Variants in CYP39A1 observed in about 807,000 individuals in gnomAD.
CYP39A1 encodes the protein 24-hydroxycholesterol 7-alpha-hydroxylase.
Under a neutral mutation model 58.1 loss-of-function variants are expected in CYP39A1, and 49 were observed. That is an observed-to-expected ratio of 0.84 (90% confidence interval 0.67 to 1.07). The LOEUF (loss-of-function observed/expected upper bound fraction) is 1.07, where lower values mean the gene tolerates loss of function less well. CYP39A1 is among the 50% of genes least tolerant of loss of function. The pLI, the probability that CYP39A1 is intolerant of heterozygous loss-of-function variation, is 0.00. For missense variants in CYP39A1, 531 were observed against 539.4 expected, an observed-to-expected ratio of 0.98 and a Z score of 0.16; for synonymous variants, 209 against 187.6, an observed-to-expected ratio of 1.11 and a Z score of -0.93.
intron 8 of CYP39A1, 114 bp downstream of exon 8, chr6:46,595,873 T>C: frequency 9.7e-7 from 1 of 1,026,720 alleles, no homozygotes; most frequent in Non-Finnish European, 1.5e-6. Context: ...ATATAAAATA[T>C]TTATTTGTCA....
intron 8 of CYP39A1, among the ~76,000 whole-genome samples, chr6:46,588,590 G>C (rs888694694): frequency 6.6e-6 from 1 of 152,082 alleles, no homozygotes. Context: ...AGGGACAATG[G>C]CCATGGTAGC....
chr6:46,596,707 T>G (rs962956655), intron 7 of CYP39A1, among the ~76,000 whole-genome samples: 46 of 152,156 alleles, frequency 3.0e-4, no homozygotes, highest in African/African-American at 1.1e-3. Flanking sequence ...GCATACTTTA[T>G]TTGATCTTTA....
chr6:46,631,200 G>A (rs1775641077), intron 5 of CYP39A1, 130 bp from the exon 6 acceptor site: 2 of 736,940 alleles, frequency 2.7e-6, no homozygotes, highest in African/African-American at 1.8e-5. Flanking sequence ...TTTGCAGTTT[G>A]AGGCATGTGA....
intron 1 of CYP39A1, among the ~76,000 whole-genome samples, chr6:46,644,410 T>C (rs1776524814): frequency 6.6e-6 from 1 of 152,100 alleles, no homozygotes. Context: ...CCTACTGCTT[T>C]GGGGGTCTGA....
intron 10 of CYP39A1, among the ~76,000 whole-genome samples, chr6:46,566,344 T>C (rs1243559680): frequency 6.6e-6 from 1 of 152,180 alleles, no homozygotes; most frequent in Non-Finnish European, 1.5e-5. Context: ...AGAGGCTCAA[T>C]TGACTCATAG....
chr6:46,560,778 T>TA (rs34209752), intron 10 of CYP39A1, among the ~76,000 whole-genome samples: 76,986 of 151,596 alleles, frequency 0.51, 21,971 homozygotes, highest in African/African-American at 0.79. Context: ...TAAACTTGAT[T>TA]AAAAAAAATC....
chr6:46,577,344 C>A (rs1343164953), intron 10 of CYP39A1, among the ~76,000 whole-genome samples: 1 of 152,138 alleles, frequency 6.6e-6, no homozygotes, highest in East Asian at 1.9e-4. Context: ...ACATAGCCCA[C>A]TGACACTATA....
chr6:46,599,774 G>A (rs1017702237), intron 7 of CYP39A1, among the ~76,000 whole-genome samples: 2 of 152,102 alleles, frequency 1.3e-5, no homozygotes, highest in African/African-American at 4.8e-5. Context: ...GTGAGCTCCA[G>A]ATTATTGTTA....
At chr6:46,573,476 A>G (rs1432289022) in intron 10 of CYP39A1, among the ~76,000 whole-genome samples, 3 of 152,168 alleles carry the variant, frequency 2.0e-5, no homozygotes, top group Non-Finnish European at 4.4e-5. Context: ...AGAGGGCCTT[A>G]GTGTCAAAGA....
chr6:46,610,756 C>G (rs897311835), intron 7 of CYP39A1, among the ~76,000 whole-genome samples: 2 of 152,154 alleles, frequency 1.3e-5, no homozygotes, highest in Non-Finnish European at 2.9e-5. Flanking sequence ...GTACAGTAAT[C>G]TGAAAAGTGT....
chr6:46,637,257 G>A (rs1029789214), intron 4 of CYP39A1, among the ~76,000 whole-genome samples: 4 of 152,176 alleles, frequency 2.6e-5, no homozygotes, highest in Admixed American at 6.5e-5. Context: ...CAGGCCTCCA[G>A]CCTCCAGGGC....
At chr6:46,641,160 A>T (rs1200855199) in intron 2 of CYP39A1, among the ~76,000 whole-genome samples, 1 of 152,100 alleles carries the variant, frequency 6.6e-6, no homozygotes, top group Non-Finnish European at 1.5e-5. Flanking sequence ...AGGTGAAAAA[A>T]ACTCAATCAT....
intron 10 of CYP39A1, among the ~76,000 whole-genome samples, chr6:46,577,179 T>C (rs1015700540): frequency 1.3e-5 from 2 of 152,118 alleles, no homozygotes; most frequent in African/African-American, 4.8e-5. Flanking sequence ...CCAACAAAAC[T>C]AAGATTCATA....
At chr6:46,586,178 T>C (rs1198828636) in intron 10 of CYP39A1, 1 of 965,338 alleles carries the variant, frequency 1.0e-6, no homozygotes, top group Admixed American at 6.2e-5. Flanking sequence ...AACGGAAGGA[T>C]GGAATGGATA....
chr6:46,632,231 GAGA>G (rs1203441111), intron 5 of CYP39A1, among the ~76,000 whole-genome samples: 2 of 152,152 alleles, frequency 1.3e-5, no homozygotes, highest in Non-Finnish European at 2.9e-5. Context: ...AGGAAAAAAT[GAGA>G]AGGATTACAT....
chr6:46,553,221 C>T (rs1345059829), intron 11 of CYP39A1, among the ~76,000 whole-genome samples: 1 of 152,042 alleles, frequency 6.6e-6, no homozygotes, highest in Non-Finnish European at 1.5e-5. Flanking sequence ...CACACCAATT[C>T]GAGAGCCACT....
At chr6:46,595,909 A>T (rs1318610881) in intron 8 of CYP39A1, 78 bp downstream of exon 8, 4 of 1,345,330 alleles carry the variant, frequency 3.0e-6, no homozygotes, top group Non-Finnish European at 4.1e-6. Flanking sequence ...AGATATGTCA[A>T]CCTGAAAAAT....
intron 6 of CYP39A1, among the ~76,000 whole-genome samples, chr6:46,629,733 C>T (rs769281435): frequency 3.3e-5 from 5 of 151,980 alleles, no homozygotes; most frequent in Non-Finnish European, 7.4e-5. Flanking sequence ...AGAAAAATGC[C>T]CACACATATC....
chr6:46,641,418 A>G (rs1245186794), intron 2 of CYP39A1, among the ~76,000 whole-genome samples: 2 of 152,218 alleles, frequency 1.3e-5, no homozygotes, highest in Non-Finnish European at 2.9e-5. Flanking sequence ...CTTAATGGCA[A>G]GAAATGCACA....
Sources: gnomAD v4.1 joint callset for allele counts (sites outside exome capture counted in the v4.1 genomes callset) on GRCh38, gnomAD v4.1.1 for gene constraint, MANE v1.5 for transcripts, NCBI Gene and HGNC (gene_info 2026-07-23, HGNC 2026-07-21) for gene names.